The following CLMP variants were observed in gnomAD, a reference collection of about 807,000 sequenced individuals.
The protein encoded by CLMP is CXADR-like membrane protein.
A neutral mutation model predicts 45.2 loss-of-function variants in CLMP; 27 were observed. The ratio of observed to expected loss-of-function variants is 0.60; its 90% CI spans 0.44 to 0.82. The LOEUF (loss-of-function observed/expected upper bound fraction) is 0.82, where lower values mean the gene tolerates loss of function less well. Among genes scored for constraint, CLMP ranks in the 40% least tolerant of loss-of-function variants. The probability of loss-of-function intolerance (pLI) is 0.00; values close to 1 mark genes in which losing one functional copy is unlikely to be tolerated. For missense variants in CLMP, 403 were observed against 448.4 expected (o/e 0.90, Z 0.91); for synonymous variants, 167 against 171.4 (o/e 0.97, Z 0.20).
At chr11:123,164,840 A>G (rs1861536828) in intron 1 of CLMP, among the ~76,000 whole-genome samples, 1 of 152,166 alleles carries the variant, frequency 6.6e-6, no homozygotes, top group African/African-American at 2.4e-5. Context: ...GTTTGCACTA[A>G]CATGTTTTTA....
Position 123,083,598 on chromosome 11 carries a change from G to T in CLMP, c.556+82C>A, listed in dbSNP as rs1865828743. 14 of 1,375,258 alleles carry T rather than the reference G, an allele frequency of 1.0e-5. No individual in the cohort carries two copies. The Admixed American group carries it at 2.2e-4, about 21-fold the overall frequency. The allele number at this position is 1,375,258 out of a possible 1,614,324, so 85.2% of individuals were successfully genotyped here. ...AGCAGGGTATTTCAGGTCACATAGT[G>T]AGTTGCTGAGAAAGCTGATTTAGAG... On this transcript the variant is annotated intron_variant, in intron 4 of 6. Transcript: ENST00000448775.
At chr11:123,099,418 G>T (rs1360882911) in intron 1 of CLMP, among the ~76,000 whole-genome samples, 1 of 152,164 alleles carries the variant, frequency 6.6e-6, no homozygotes, top group Non-Finnish European at 1.5e-5. Context: ...CAAATTTAGA[G>T]GAGAGAAATT....
chr11:123,075,426 C>G (rs116227398), intron 5 of CLMP, among the ~76,000 whole-genome samples: 13,052 of 151,658 alleles, frequency 0.086, 1,210 homozygotes, highest in African/African-American at 0.23. Context: ...TCGCTGTGTC[C>G]CCCAGACTGG....
intron 1 of CLMP, among the ~76,000 whole-genome samples, chr11:123,100,612 A>C (rs1434785277): frequency 6.6e-6 from 1 of 152,010 alleles, no homozygotes; most frequent in Non-Finnish European, 1.5e-5. Context: ...GCTGATGCTC[A>C]CACAGCTCTG....
intron 1 of CLMP, among the ~76,000 whole-genome samples, chr11:123,110,933 G>A (rs1860629910): frequency 6.6e-6 from 1 of 151,572 alleles, no homozygotes; most frequent in African/African-American, 2.4e-5. Flanking sequence ...AGCTGTAAAG[G>A]GGTCCTTATA....
At chr11:123,105,370 TC>T (rs1860527920) in intron 1 of CLMP, among the ~76,000 whole-genome samples, 1 of 67,402 alleles carries the variant, frequency 1.5e-5, no homozygotes, top group African/African-American at 5.8e-5. Context: ...CCTCCCTCCC[TC>T]CCTCCCTCCC....
chr11:123,137,034 C>A (rs933872438), intron 1 of CLMP, among the ~76,000 whole-genome samples: 2 of 152,080 alleles, frequency 1.3e-5, no homozygotes, highest in Admixed American at 1.3e-4. Flanking sequence ...TGTCCAGTTT[C>A]CCGAGCCCCG....
chr11:123,095,480 G>C (rs1450180533), intron 2 of CLMP, among the ~76,000 whole-genome samples: 2 of 152,108 alleles, frequency 1.3e-5, no homozygotes, highest in Non-Finnish European at 2.9e-5. Flanking sequence ...ATGTTGCCCA[G>C]CCTGATCTTG....
At chr11:123,137,688 T>C (rs1591473453) in intron 1 of CLMP, among the ~76,000 whole-genome samples, 1 of 152,038 alleles carries the variant, frequency 6.6e-6, no homozygotes, top group South Asian at 2.1e-4. Context: ...AGGCTGAGCC[T>C]AAAACCTCTC....
In CLMP at chr11:123,194,917, C is replaced by T; in HGVS notation, c.24G>A (p.Leu8=). 6.2e-7 allele frequency: 1 copy of T among 1,613,470 alleles called. No individual in the cohort carries two copies. Among genetic ancestry groups the T allele is most frequent in the Non-Finnish European group, 8.5e-7 (1 of 1,179,658 alleles). Residue 8 remains leucine (L), a synonymous_variant, in exon 1 of 7, where the codon TTG becomes TTA. Coordinates refer to ENST00000448775, the MANE Select transcript of CLMP (RefSeq NM_024769.5). MSLLLLL[L]LVSYYVGTLG... ...CGCCCTCCCAGAGGCACTCACCTAGCAAGAGGAGAAGGAGGAGGGACATCC... is the reference window on the plus strand; with the variant it reads ...CGCCCTCCCAGAGGCACTCACCTAGTAAGAGGAGAAGGAGGAGGGACATCC...
chr11:123,195,067 CA>C lies in CLMP; in HGVS notation c.-128del, dbSNP rs1861963349. 1 of 807,156 alleles carries C rather than the reference CA, an allele frequency of 1.2e-6. No individual in the cohort carries two copies. The highest frequency in any genetic ancestry group is 1.7e-6 in the Non-Finnish European group (1 of 587,968). The allele number at this position is 807,156 out of a possible 1,614,324, so 50.0% of individuals were successfully genotyped here. A position where few individuals can be genotyped will look rare whatever the true frequency, so the allele number is the denominator to read the frequency against. On this transcript the variant is annotated 5_prime_UTR_variant, in exon 1 of 7. An upstream start codon of the reference 5' UTR is lost. Coordinates refer to ENST00000448775, the MANE Select transcript of CLMP (RefSeq NM_024769.5). ...GGGGTGCGCGCGAGGTGGCTGCAGC[CA>C]TGTGCCGGGCGGGAGCCGGCCCCGC...
intron 1 of CLMP, among the ~76,000 whole-genome samples, chr11:123,114,819 T>C (rs1357328755): frequency 2.0e-5 from 3 of 152,194 alleles, no homozygotes; most frequent in African/African-American, 4.8e-5. Flanking sequence ...AGCACTATTA[T>C]CTTCATTCTA....
At chr11:123,144,596 C>G (rs907751386) in intron 1 of CLMP, among the ~76,000 whole-genome samples, 2 of 152,138 alleles carry the variant, frequency 1.3e-5, no homozygotes, top group African/African-American at 4.8e-5. Flanking sequence ...TCTCGAACTC[C>G]CGACCTCAGG....
chr11:123,127,033 A>C (rs1375759501), intron 1 of CLMP, among the ~76,000 whole-genome samples: 1 of 152,160 alleles, frequency 6.6e-6, no homozygotes, highest in African/African-American at 2.4e-5. Flanking sequence ...AATATAATTA[A>C]GTGTATAAAT....
intron 2 of CLMP, 115 bp from the exon 3 acceptor site, chr11:123,084,828 G>C: frequency 1.2e-6 from 1 of 817,164 alleles, no homozygotes; most frequent in South Asian, 1.6e-5. Flanking sequence ...CAAGCCTGGG[G>C]CTGAGAGTCC....
intron 1 of CLMP, among the ~76,000 whole-genome samples, chr11:123,191,963 T>A (rs1382161554): frequency 6.6e-6 from 1 of 152,020 alleles, no homozygotes; most frequent in Non-Finnish European, 1.5e-5. Flanking sequence ...AATAGACTAC[T>A]CAAAAGAAAA....
intron 1 of CLMP, among the ~76,000 whole-genome samples, chr11:123,118,994 T>C (rs1860766862): frequency 2.2e-5 from 1 of 44,858 alleles, no homozygotes; most frequent in South Asian, 9.7e-4. Flanking sequence ...TCTTTCTTTC[T>C]TTCTTTCTCT....
chr11:123,150,991 CTG>C (rs527559776), intron 1 of CLMP, among the ~76,000 whole-genome samples: 10 of 152,366 alleles, frequency 6.6e-5, no homozygotes, highest in African/African-American at 2.4e-4. Context: ...GCGCGAGCCA[CTG>C]TGCCTGGCCT....
chr11:123,146,799 C>T (rs915250264), intron 1 of CLMP, among the ~76,000 whole-genome samples: 2 of 152,160 alleles, frequency 1.3e-5, no homozygotes, highest in African/African-American at 4.8e-5. Flanking sequence ...ACCTCCTCCT[C>T]AAAGACCAGT....
Sources: allele counts gnomAD v4.1 joint callset (sites outside exome capture counted in the v4.1 genomes callset), GRCh38; gene constraint gnomAD v4.1.1; transcripts MANE v1.5; gene names NCBI Gene and HGNC (gene_info 2026-07-23, HGNC 2026-07-21).